Variants in NFIX observed in about 807,000 individuals in gnomAD.
NFIX encodes nuclear factor I X.
Under a neutral mutation model 53.3 loss-of-function variants are expected in NFIX, and 2 were observed. That is an observed-to-expected ratio of 0.04 (90% CI 0.02 to 0.12). NFIX has a LOEUF of 0.12. NFIX is among the 10% of genes least tolerant of loss of function. The pLI is 1.00. For missense variants in NFIX, 310 were observed against 674.5 expected (o/e 0.46, Z 5.99); for synonymous variants, 244 against 289.0 (o/e 0.84, Z 1.58).
At chr19:13,086,674 G>A (rs533979600) in intron 8 of NFIX, among the ~76,000 whole-genome samples, 28 of 152,318 alleles carry the variant, frequency 1.8e-4, no homozygotes, top group Admixed American at 1.6e-3. Flanking sequence ...GTCTCCTTGA[G>A]GGGGACAGAA....
At position 13,001,548 on chromosome 19, in the gene NFIX, C is replaced by T. The variant is rs1304670920; in HGVS notation, c.27+5684C>T. Among the ~76,000 whole-genome samples the T allele has an allele frequency of 1.3e-5, 2 of 152,148 alleles. No individual in the cohort carries two copies. The highest frequency in any genetic ancestry group is 2.9e-5 in the Non-Finnish European group (2 of 68,018). On this transcript the variant is annotated intron_variant, in intron 1 of 10. Transcript: ENST00000592199. The surrounding 1 kb of genome is among the most constrained non-coding windows in gnomAD (Gnocchi z 6.5). ...GGGGTGACAGTGTCCCAGCGACATG[C>T]GTCACATCTACAGCAGTGTTTTTCT...
chr19:13,089,796 G>C lies in NFIX; in HGVS notation c.1403-503G>C, dbSNP rs1175997643. 6.6e-6 allele frequency among the ~76,000 whole-genome samples: 1 copy of C among 152,108 alleles called. No homozygotes were observed. Among genetic ancestry groups the C allele is most frequent in the African/African-American group, 2.4e-5 (1 of 41,430 alleles). ...GTAGCCTGGCTGGGAAGGCCTTCCC[G>C]AAGCAGGGTGGGGCCGGACTGCCAA... On this transcript the variant is annotated intron_variant, in intron 9 of 10. Coordinates refer to ENST00000592199, the MANE Select transcript of NFIX (RefSeq NM_001365902.3). The surrounding 1 kb of genome is among the most constrained non-coding windows in gnomAD (Gnocchi z 4.8).
At chr19:13,008,775 G>C (rs2012164760) in intron 1 of NFIX, among the ~76,000 whole-genome samples, 1 of 152,158 alleles carries the variant, frequency 6.6e-6, no homozygotes, top group African/African-American at 2.4e-5. Context: ...ACCCCAGCAA[G>C]AAGCTGGAGG....
Position 13,045,867 on chromosome 19 carries a change from G to C in NFIX, c.559+20315G>C, listed in dbSNP as rs188784192. 3.0e-4 allele frequency among the ~76,000 whole-genome samples: 45 copies of C among 152,328 alleles called. No individual in the cohort carries two copies. In the South Asian group the frequency reaches 8.3e-3, roughly 28 times the overall value. On this transcript the variant is annotated intron_variant, in intron 2 of 10. Coordinates refer to ENST00000592199, the MANE Select transcript of NFIX (RefSeq NM_001365902.3). The surrounding 1 kb of genome is among the most constrained non-coding windows in gnomAD (Gnocchi z 4.4). ...CGACTGAGGCACCTGGGAGTGAGGGGCTTGGACATTCTTCCTCAGCTTGAG... is the reference window on the plus strand; with the variant it reads ...CGACTGAGGCACCTGGGAGTGAGGGCCTTGGACATTCTTCCTCAGCTTGAG...
intron 2 of NFIX, chr19:13,071,203 G>A (rs950921795): frequency 1.3e-5 from 2 of 152,272 alleles, no homozygotes; most frequent in East Asian, 3.9e-4. Context: ...TGCCCTTCCT[G>A]AGCCATGATT....
At chr19:13,092,051 G>A (rs2018176025) in intron 10 of NFIX, among the ~76,000 whole-genome samples, 1 of 152,176 alleles carries the variant, frequency 6.6e-6, no homozygotes, top group Non-Finnish European at 1.5e-5. Flanking sequence ...GAGTGGTTGG[G>A]GGAGCGGAAG....
Position 13,066,785 on chromosome 19 carries a change from G to A in NFIX, c.560-6262G>A, listed in dbSNP as rs1035377556. 6.6e-6 allele frequency among the ~76,000 whole-genome samples: 1 copy of A among 152,080 alleles called. No homozygotes were observed. Among genetic ancestry groups the A allele is most frequent in the Non-Finnish European group, 1.5e-5 (1 of 68,002 alleles). On this transcript the variant is annotated intron_variant, in intron 2 of 10. Transcript: ENST00000592199. The surrounding 1 kb of genome is among the most constrained non-coding windows in gnomAD (Gnocchi z 4.2). ...TGTGTGTGCACATGCATGGTGGCTG[G>A]TGGAGCAGGGTGAGGAATGGAGAGA...
Position 13,090,681 on chromosome 19 carries a change from G to GA in NFIX, c.1494+293dup, listed in dbSNP as rs935133253. Among the ~76,000 whole-genome samples, 2 of 152,242 alleles carry GA rather than the reference G, an allele frequency of 1.3e-5. No individual in the cohort carries two copies. Among genetic ancestry groups the GA allele is most frequent in the African/African-American group, 2.4e-5 (1 of 41,460 alleles). On this transcript the variant is annotated intron_variant, in intron 10 of 10. Transcript: ENST00000592199. This position sits in a 1 kb window ranked among gnomAD's most constrained non-coding sequence, Gnocchi z 6.6. The stretch of plus-strand genomic sequence containing the variant: ...GAGGCCCTCTGGGCCAGGCCTGGTA[G>GA]AAGCAAAGATGGAAGCCTGAGGCCC...
chr19:13,072,688 A>G lies in NFIX; in HGVS notation c.560-359A>G, dbSNP rs1457014110. 1.3e-5 allele frequency among the ~76,000 whole-genome samples: 2 copies of G among 152,098 alleles called. No homozygotes were observed. Among genetic ancestry groups the G allele is most frequent in the Non-Finnish European group, 2.9e-5 (2 of 68,020 alleles). ...TTTGCCCTTAAGGGCACAGTGGACA[A>G]TGTCTTGGGACAGTTTGGGTTGTCA... On this transcript the variant is annotated intron_variant, in intron 2 of 10. Coordinates refer to ENST00000592199, the MANE Select transcript of NFIX (RefSeq NM_001365902.3). This position sits in a 1 kb window ranked among gnomAD's most constrained non-coding sequence, Gnocchi z 4.0.
At position 13,097,721 on chromosome 19, in the gene NFIX, C is replaced by T. The variant is rs2018544439; in HGVS notation, c.*3072C>T. ...ACAAACGTCCCCTCCCTCCCTCCCT[C>T]TCCGCCCCGAGCGCCCTTCTTTGAG... On this transcript the variant is annotated 3_prime_UTR_variant, in exon 11 of 11. Transcript: ENST00000592199. The T allele has an allele frequency of 6.6e-6, 1 of 151,316 alleles. No homozygotes were observed. Among genetic ancestry groups the T allele is most frequent in the Non-Finnish European group, 1.5e-5 (1 of 67,672 alleles). 9.4% of individuals were successfully genotyped at this position (151,316 alleles called of 1,614,324 possible).
rs2013561982 is a variant in NFIX at position 13,028,695 on chromosome 19, G to C, written c.559+3143G>C. On this transcript the variant is annotated intron_variant, in intron 2 of 10. Coordinates refer to ENST00000592199, the MANE Select transcript of NFIX (RefSeq NM_001365902.3). The surrounding 1 kb of genome is among the most constrained non-coding windows in gnomAD (Gnocchi z 4.2). ...AGGCAGGGCAGGGTCAGAGAGCACT[G>C]CCGTGGGGAGGAGGGTATCCATTTC... Among the ~76,000 whole-genome samples, 1 of 152,168 alleles carries C rather than the reference G, an allele frequency of 6.6e-6. No individual in the cohort carries two copies. The highest frequency in any genetic ancestry group is 1.9e-4 in the East Asian group (1 of 5,194).
intron 8 of NFIX, chr19:13,082,068 T>G (rs945844798): frequency 1.7e-6 from 1 of 592,226 alleles, no homozygotes; most frequent in African/African-American, 1.9e-5. Flanking sequence ...TCCGGAGAGG[T>G]GGGGGCAGCA....
intron 1 of NFIX, among the ~76,000 whole-genome samples, chr19:13,007,325 C>T (rs952670263): frequency 6.6e-6 from 1 of 152,118 alleles, no homozygotes; most frequent in African/African-American, 2.4e-5. Context: ...TCTGCGTGCT[C>T]GTGTGTATCT....
At chr19:13,031,463 G>T (rs1342817511) in intron 2 of NFIX, among the ~76,000 whole-genome samples, 1 of 152,150 alleles carries the variant, frequency 6.6e-6, no homozygotes, top group African/African-American at 2.4e-5. Context: ...TGAGAACTTG[G>T]TTTACTTTTT....
chr19:13,078,992 G>A lies in NFIX; in HGVS notation c.1078+257G>A, dbSNP rs2017293156. On this transcript the variant is annotated intron_variant, in intron 7 of 10. Coordinates refer to ENST00000592199, the MANE Select transcript of NFIX (RefSeq NM_001365902.3). This position sits in a 1 kb window ranked among gnomAD's most constrained non-coding sequence, Gnocchi z 4.7. ...CACTTCTCACTCCTCACGTGCATGGGTGCTACATACAACACAAGCCTGTCC... is the reference window on the plus strand; with the variant it reads ...CACTTCTCACTCCTCACGTGCATGGATGCTACATACAACACAAGCCTGTCC... Among the ~76,000 whole-genome samples the A allele has an allele frequency of 6.6e-6, 1 of 152,190 alleles. No homozygotes were observed. The highest frequency in any genetic ancestry group is 6.5e-5 in the Admixed American group (1 of 15,290).
In NFIX at chr19:13,074,660, TG is replaced by T. The variant is rs199885170; in HGVS notation, c.818+637del. Among the ~76,000 whole-genome samples, 958 of 147,018 alleles carry T rather than the reference TG, an allele frequency of 6.5e-3. 8 individuals are homozygous for T. The highest frequency in any genetic ancestry group is 0.022 in the African/African-American group (899 of 39,978). ...GGGAGCTGCTTGGGAGGCAGGGATG[TG>T]GGTTCTGGCCAGGGCAAGTTGTGCT... is the stretch of plus-strand genomic sequence containing the variant. On this transcript the variant is annotated intron_variant, in intron 5 of 10. Coordinates refer to ENST00000592199, the MANE Select transcript of NFIX (RefSeq NM_001365902.3).
At position 13,040,378 on chromosome 19, in the gene NFIX, C is replaced by T. The variant is rs371006497; in HGVS notation, c.559+14826C>T. ...CCATGTCCTCTCCAGACTTGGTCTG[C>T]GGAGCAGCCAAACTCACTCGTGACA... is the stretch of plus-strand genomic sequence containing the variant. On this transcript the variant is annotated intron_variant, in intron 2 of 10. Transcript: ENST00000592199. The surrounding 1 kb of genome is among the most constrained non-coding windows in gnomAD (Gnocchi z 4.2). 5.9e-5 allele frequency among the ~76,000 whole-genome samples: 9 copies of T among 152,336 alleles called. 1 individual carries two copies. Among genetic ancestry groups the T allele is most frequent in the African/African-American group, 2.2e-4 (9 of 41,574 alleles).
In NFIX at chr19:13,001,623, T is replaced by C. The variant is rs975212080; in HGVS notation, c.27+5759T>C. Among the ~76,000 whole-genome samples the C allele has an allele frequency of 1.3e-5, 2 of 152,168 alleles. No individual in the cohort carries two copies. Among genetic ancestry groups the C allele is most frequent in the Non-Finnish European group, 2.9e-5 (2 of 68,014 alleles). On this transcript the variant is annotated intron_variant, in intron 1 of 10. Transcript: ENST00000592199. This position sits in a 1 kb window ranked among gnomAD's most constrained non-coding sequence, Gnocchi z 6.5. Reference sequence around the variant, plus strand: ...AGTGTATCCGTGTGTCTCACACACGTGTTGGCCTGTCCGTGTCAACTTGTG... The same window carrying C: ...AGTGTATCCGTGTGTCTCACACACGCGTTGGCCTGTCCGTGTCAACTTGTG...
intron 2 of NFIX, among the ~76,000 whole-genome samples, chr19:13,041,184 A>G (rs1403376112): frequency 2.6e-5 from 4 of 152,190 alleles, no homozygotes; most frequent in African/African-American, 9.7e-5. Context: ...CCTGCCTCTC[A>G]CAAACTCTGG....
Sources: allele counts gnomAD v4.1 joint callset (sites outside exome capture counted in the v4.1 genomes callset), GRCh38; gene constraint gnomAD v4.1.1; non-coding constraint Gnocchi (gnomAD v3.1); transcripts MANE v1.5; gene names NCBI Gene and HGNC (gene_info 2026-07-23, HGNC 2026-07-21).